The following FREM1 variants were observed in gnomAD, a reference collection of about 807,000 sequenced individuals.
FREM1 encodes the protein FRAS1-related extracellular matrix protein 1.
FREM1 carries 220 observed loss-of-function variants against 210.1 expected under a neutral mutation model. That is an observed-to-expected ratio of 1.05 (90% CI 0.94 to 1.17). The LOEUF (loss-of-function observed/expected upper bound fraction) is 1.17, where lower values mean the gene tolerates loss of function less well. Among genes scored for constraint, FREM1 ranks in the 50% most tolerant of loss-of-function variants. FREM1 has a pLI of 0.00. For missense variants in FREM1, 3,454 were observed against 2,675.5 expected (o/e 1.29, Z -6.42); for synonymous variants, 1,189 against 980.2 (o/e 1.21, Z -3.98).
chr9:14,817,835 C>T (rs1279431842), intron 14 of FREM1, among the ~76,000 whole-genome samples: 2 of 152,140 alleles, frequency 1.3e-5, no homozygotes, highest in Non-Finnish European at 2.9e-5. Flanking sequence ...TCCTCTCACG[C>T]ACTACCCGCT....
intron 1 of FREM1, among the ~76,000 whole-genome samples, chr9:14,893,301 C>G (rs1220487111): frequency 6.6e-6 from 1 of 152,214 alleles, no homozygotes; most frequent in African/African-American, 2.4e-5. Flanking sequence ...GTACTTTGTG[C>G]TATGAATTTG....
At position 14,858,785 on chromosome 9, in the gene FREM1, C is replaced by A. The variant is rs187099341; in HGVS notation, c.631+398G>T. On this transcript the variant is annotated intron_variant, in intron 4 of 36. Transcript: ENST00000380880. ...CAAATTTGCTCATAATCCAATAATA[C>A]TCCATAAATGCACCAACTACTACTG... Among the ~76,000 whole-genome samples, 132 of 152,232 alleles carry A rather than the reference C, an allele frequency of 8.7e-4. 1 individual carries two copies. Among genetic ancestry groups the A allele is most frequent in the African/African-American group, 3.1e-3 (128 of 41,518 alleles).
At chr9:14,834,422 G>A (rs1043639094) in intron 10 of FREM1, among the ~76,000 whole-genome samples, 1 of 152,040 alleles carries the variant, frequency 6.6e-6, no homozygotes, top group Non-Finnish European at 1.5e-5. Context: ...GGTTACAAAA[G>A]GTTTGTAAAA....
chr9:14,777,626 T>C (rs1214103923), intron 24 of FREM1, among the ~76,000 whole-genome samples: 1 of 145,150 alleles, frequency 6.9e-6, no homozygotes, highest in East Asian at 2.0e-4. Flanking sequence ...TATACATATA[T>C]AAATTGTATA....
chr9:14,771,035 A>C (rs1034145141), intron 25 of FREM1, among the ~76,000 whole-genome samples: 1 of 152,050 alleles, frequency 6.6e-6, no homozygotes, highest in Non-Finnish European at 1.5e-5. Context: ...CCACTTTATC[A>C]ATTTGTCTAT....
At chr9:14,821,466 A>C (rs1821300223) in intron 13 of FREM1, among the ~76,000 whole-genome samples, 1 of 152,152 alleles carries the variant, frequency 6.6e-6, no homozygotes, top group Admixed American at 6.5e-5. Flanking sequence ...TTTAGAGAAA[A>C]CTTTGGCTTC....
At chr9:14,835,983 G>T (rs1218410492) in intron 10 of FREM1, among the ~76,000 whole-genome samples, 1 of 152,194 alleles carries the variant, frequency 6.6e-6, no homozygotes, top group Non-Finnish European at 1.5e-5. Flanking sequence ...AAGAAAAAAG[G>T]GACGGGTAAC....
In FREM1 at chr9:14,868,978, G is replaced by A; in HGVS notation, c.-1C>T. 1 of 1,559,426 alleles carries A rather than the reference G, an allele frequency of 6.4e-7. No individual in the cohort carries two copies. The highest frequency in any genetic ancestry group is 8.7e-7 in the Non-Finnish European group (1 of 1,154,182). ...CAGCCCCCCAACTCAGAGAGTTCAT[G>A]CTGACAGGGCCCAACTCTTCTCTGT... is the stretch of plus-strand genomic sequence containing the variant. On this transcript the variant is annotated 5_prime_UTR_variant, in exon 2 of 37. Transcript: ENST00000380880.
chr9:14,873,330 A>C (rs994491645), intron 1 of FREM1, among the ~76,000 whole-genome samples: 9 of 152,194 alleles, frequency 5.9e-5, no homozygotes, highest in Non-Finnish European at 1.0e-4. Context: ...GCTATTGATT[A>C]TTGCCACAAT....
Position 14,744,891 on chromosome 9 carries a change from T to C in FREM1, c.6254+1462A>G, listed in dbSNP as rs1372467307. 2.6e-5 allele frequency among the ~76,000 whole-genome samples: 4 copies of C among 152,176 alleles called. No individual in the cohort carries two copies. The East Asian group carries it at 5.8e-4, about 22-fold the overall frequency. On this transcript the variant is annotated intron_variant, in intron 35 of 36. Coordinates refer to ENST00000380880, the MANE Select transcript of FREM1 (RefSeq NM_001379081.2). The stretch of plus-strand genomic sequence containing the variant: ...ACATGAGAATTCTATTTGCTCTGCA[T>C]CTTTAGCAACATGTGGTATTGTCCA...
intron 2 of FREM1, 75 bp downstream of exon 2, chr9:14,868,669 C>T: frequency 2.2e-6 from 2 of 927,700 alleles, no homozygotes; most frequent in South Asian, 1.5e-5. Flanking sequence ...TACATCTGTT[C>T]TCTGTCCCCC....
chr9:14,886,815 C>T (rs967863941), intron 1 of FREM1, among the ~76,000 whole-genome samples: 2 of 149,296 alleles, frequency 1.3e-5, no homozygotes, highest in Non-Finnish European at 3.0e-5. Context: ...GGAGGATCAC[C>T]TGAGCCTGGA....
intron 20 of FREM1, among the ~76,000 whole-genome samples, chr9:14,801,158 C>A (rs563767953): frequency 1.8e-4 from 28 of 152,126 alleles, no homozygotes; most frequent in African/African-American, 5.1e-4. Context: ...CCATCACACT[C>A]GGCTAATTTT....
chr9:14,782,243 G>A (rs1384361357), intron 24 of FREM1: 2 of 340,724 alleles, frequency 5.9e-6, no homozygotes, highest in Non-Finnish European at 8.3e-6. Context: ...AAATTCCTGG[G>A]ATAAATGATT....
chr9:14,759,768 T>G lies in FREM1; in HGVS notation c.5334+4A>C. 1 of 1,592,206 alleles carries G rather than the reference T, an allele frequency of 6.3e-7. No individual in the cohort carries two copies. Among genetic ancestry groups the G allele is most frequent in the Non-Finnish European group, 8.6e-7 (1 of 1,169,042 alleles). On this transcript the variant is annotated splice_donor_region_variant and intron_variant, in intron 28 of 36. Coordinates refer to ENST00000380880, the MANE Select transcript of FREM1 (RefSeq NM_001379081.2). ...CTTGATAATTTACATTTCAGAGTCA[T>G]TACCTTTATACCCACAAAGGCCGAG...
In FREM1 at chr9:14,842,180, C is replaced by A. The variant is rs201881327; in HGVS notation, c.1738+136G>T. 27 of 596,188 alleles carry A rather than the reference C, an allele frequency of 4.5e-5. No individual in the cohort carries two copies. The East Asian group carries it at 7.3e-4, about 16-fold the overall frequency. 36.9% of individuals were successfully genotyped at this position (596,188 alleles called of 1,614,324 possible). On this transcript the variant is annotated intron_variant, in intron 9 of 36. Coordinates refer to ENST00000380880, the MANE Select transcript of FREM1 (RefSeq NM_001379081.2). The stretch of plus-strand genomic sequence containing the variant: ...TCATTATGAAATGGGAATAAAAATA[C>A]TATCTTACTTCAGAAACTTGATGTT...
intron 5 of FREM1, among the ~76,000 whole-genome samples, chr9:14,855,885 T>C (rs959242985): frequency 6.6e-6 from 1 of 152,142 alleles, no homozygotes; most frequent in African/African-American, 2.4e-5. Flanking sequence ...CAATTTTTTT[T>C]CAATGGATAT....
Position 14,859,222 on chromosome 9 carries a change from G to T in FREM1, c.592C>A (p.Pro198Thr). ...MVLGEPRPEE[P>T]RGDQPHSFFP... ...AAACTGTGTGGCTGATCTCCACGAG[G>T]TTCTTCTGGTCGAGGCTCCCCGAGA... Residue 198 changes from proline to threonine, a missense_variant, in exon 4 of 37, where the codon CCT (proline) becomes ACT (threonine). Coordinates refer to ENST00000380880, the MANE Select transcript of FREM1 (RefSeq NM_001379081.2). 2 of 1,606,924 alleles carry T rather than the reference G, an allele frequency of 1.2e-6. No homozygotes were observed. The highest frequency in any genetic ancestry group is 1.7e-6 in the Non-Finnish European group (2 of 1,175,740).
Position 14,868,856 on chromosome 9 carries a change from A to C in FREM1, c.122T>G (p.Phe41Cys), listed in dbSNP as rs1384827746. The C allele has an allele frequency of 6.2e-7, 1 of 1,610,240 alleles. No individual in the cohort carries two copies. The highest frequency in any genetic ancestry group is 8.5e-7 in the Non-Finnish European group (1 of 1,178,314). ...AAACTTCAGGTCATCTCCTGACAGG[A>C]AGGCAGAGTGGCCCTTCATCACCCT... ...GVRVMKGHSA[F>C]LSGDDLKFAI... Residue 41 changes from phenylalanine (F) to cysteine (C), a missense_variant, in exon 2 of 37, where the codon TTC becomes TGC. Phe to Cys is a radical substitution (Grantham distance 205). Coordinates refer to ENST00000380880, the MANE Select transcript of FREM1 (RefSeq NM_001379081.2).
Sources: allele counts gnomAD v4.1 joint callset (sites outside exome capture counted in the v4.1 genomes callset), GRCh38; gene constraint gnomAD v4.1.1; transcripts MANE v1.5; gene names NCBI Gene and HGNC (gene_info 2026-07-23, HGNC 2026-07-21).